The following NPHS1 variants were observed in gnomAD, a reference collection of about 807,000 sequenced individuals.
NPHS1 encodes the protein NPHS1 adhesion molecule, nephrin.
In NPHS1, 107 loss-of-function variants were observed where a neutral mutation model predicts 139.7. The observed-to-expected ratio is 0.77, with a 90% CI of 0.66 to 0.90. NPHS1 has a LOEUF of 0.90. Ranked by LOEUF, NPHS1 falls within the 40% of genes least tolerant of loss-of-function variation. The pLI is 0.00. For missense variants in NPHS1, 1,580 were observed against 1,654.2 expected (o/e 0.96, Z 0.78); for synonymous variants, 707 against 706.6 (o/e 1.00, Z -0.01).
Position 35,826,344 on chromosome 19 carries a change from G to A in NPHS1, c.*170C>T. ...CCAGGATGCACCTTGTTTCTACTCT[G>A]GTACCAGCTGAACCATCTCTGTCAC... On this transcript the variant is annotated 3_prime_UTR_variant, in exon 29 of 29. Coordinates refer to ENST00000378910, the MANE Select transcript of NPHS1 (RefSeq NM_004646.4). The A allele has an allele frequency of 1.4e-6, 1 of 721,370 alleles. No homozygotes were observed. The highest frequency in any genetic ancestry group is 2.4e-6 in the Non-Finnish European group (1 of 422,580). The allele number at this position is 721,370 out of a possible 1,614,324, so 44.7% of individuals were successfully genotyped here.
intron 26 of NPHS1, 24 bp downstream of exon 26, chr19:35,831,272 G>T (rs764808909): frequency 1.2e-6 from 2 of 1,612,432 alleles, no homozygotes; most frequent in Admixed American, 3.3e-5. Flanking sequence ...TGATTGTGGG[G>T]TCACCAGGGC....
At chr19:35,827,884 T>C (rs1002798389) in intron 28 of NPHS1, among the ~76,000 whole-genome samples, 3 of 152,096 alleles carry the variant, frequency 2.0e-5, no homozygotes, top group Non-Finnish European at 4.4e-5. Flanking sequence ...GCTACTGCAC[T>C]CCAGCCTGGG....
rs759433921 is a variant in NPHS1, at chr19:35,850,377, C to G, written c.595G>C (p.Glu199Gln). 1.2e-6 allele frequency: 2 copies of G among 1,614,028 alleles called. No individual in the cohort carries two copies. The highest frequency in any genetic ancestry group is 1.7e-5 in the Admixed American group (1 of 60,014). Residue 199 changes from glutamate to glutamine, a missense_variant, in exon 5 of 29, where the codon GAG becomes CAG. By Grantham distance (29) the Glu-to-Gln change is conservative. Transcript: ENST00000378910. Reference protein sequence around the residue: ...EGSQQKLFTVEATARVTPRSS... With the variant: ...EGSQQKLFTVQATARVTPRSS... ...CAGTTTCCACACCTGGCTGTGGCCT[C>G]CACAGTGAAGAGTTTCTGCTGGGAG...
Position 35,826,649 on chromosome 19 carries a change from A to T in NPHS1, c.3595-4T>A, listed in dbSNP as rs772120895. The T allele has an allele frequency of 6.2e-7, 1 of 1,614,120 alleles. No homozygotes were observed. The highest frequency in any genetic ancestry group is 2.2e-5 in the East Asian group (1 of 44,872). On this transcript the variant is annotated splice_polypyrimidine_tract_variant and splice_region_variant and intron_variant, in intron 28 of 28. Transcript: ENST00000378910. ...GCCAGTGGAGGTCCCAGGGTCCCTG[A>T]CAGGCAAAAAGTGGAGTTAGAACCA...
chr19:35,841,090 G>GTT (rs1028920917), intron 20 of NPHS1, among the ~76,000 whole-genome samples: 15 of 150,784 alleles, frequency 9.9e-5, no homozygotes, highest in Non-Finnish European at 1.8e-4. Context: ...ACATGCAGAC[G>GTT]TAAGAATGAA....
intron 16 of NPHS1, 163 bp downstream of exon 16, chr19:35,843,940 G>A: frequency 1.0e-6 from 1 of 955,332 alleles, no homozygotes; most frequent in Non-Finnish European, 1.5e-6. Context: ...TAGTGGGAGG[G>A]GTTCCGCAGT....
At chr19:35,837,593 C>G (rs771757065) in intron 22 of NPHS1, among the ~76,000 whole-genome samples, 1 of 151,652 alleles carries the variant, frequency 6.6e-6, no homozygotes, top group Non-Finnish European at 1.5e-5. Flanking sequence ...TTCTTTCTCT[C>G]TCTCTCTCTC....
At position 35,852,328 on chromosome 19, in the gene NPHS1, A is replaced by G. The variant is rs1599849796; in HGVS notation, c.-491T>C. Reference sequence around the variant, plus strand: ...TGTCTCTCTCTCTCTCTCTCTCTCAATCTCTATCTTCTCTCCTGCCACCCC... The same window carrying G: ...TGTCTCTCTCTCTCTCTCTCTCTCAGTCTCTATCTTCTCTCCTGCCACCCC... On this transcript the variant is annotated 5_prime_UTR_variant, in exon 1 of 29. Coordinates refer to ENST00000378910, the MANE Select transcript of NPHS1 (RefSeq NM_004646.4). Among the ~76,000 whole-genome samples, 1 of 142,706 alleles carries G rather than the reference A, an allele frequency of 7.0e-6. No homozygotes were observed. The highest frequency in any genetic ancestry group is 2.6e-5 in the African/African-American group (1 of 37,932). The allele number at this position is 142,706 out of a possible 152,430, so 93.6% of individuals were successfully genotyped here. A position where few individuals can be genotyped will look rare whatever the true frequency, so the allele number is the denominator to read the frequency against.
Position 35,850,982 on chromosome 19 carries a change from G to A in NPHS1, c.505C>T (p.Pro169Ser), listed in dbSNP as rs886054353. The stretch of plus-strand genomic sequence containing the variant: ...TCACTCAGGAGAATGGTGATGTCAG[G>A]TGCTGGCTTCGCGTCCCCAGACACA... ...NCVSGDAKPAPDITILLSGQT... is the reference protein window; with the variant it reads ...NCVSGDAKPASDITILLSGQT... Residue 169 changes from proline (P) to serine (S), a missense_variant, in exon 4 of 29, where the codon CCT becomes TCT. Physicochemically the swap from Pro to Ser is moderately conservative, Grantham distance 74. Transcript: ENST00000378910. 4.3e-6 allele frequency: 7 copies of A among 1,614,102 alleles called. No homozygotes were observed. Among genetic ancestry groups the A allele is most frequent in the African/African-American group, 1.3e-5 (1 of 75,024 alleles).
In NPHS1 at chr19:35,848,399, T is replaced by C. The variant is rs1389531977; in HGVS notation, c.1171-2A>G. The stretch of plus-strand genomic sequence containing the variant: ...GGAGATGTGACCGCCATGCAGTCCC[T>C]GGCAGGGAGTGAGCTTCAGACGTGG... On this transcript the variant is annotated splice_acceptor_variant, in intron 9 of 28. Coordinates refer to ENST00000378910, the MANE Select transcript of NPHS1 (RefSeq NM_004646.4). LOFTEE classifies it high-confidence loss of function. The C allele has an allele frequency of 6.2e-7, 1 of 1,614,024 alleles. No homozygotes were observed. The highest frequency in any genetic ancestry group is 8.5e-7 in the Non-Finnish European group (1 of 1,180,028).
chr19:35,845,673 C>T lies in NPHS1; in HGVS notation c.1753G>A (p.Glu585Lys), dbSNP rs1973129242. The change falls in exon 13 of 29, where the codon GAG becomes AAG. Residue 585 changes from glutamate (E) to lysine (K), a missense_variant. Transcript: ENST00000378910. The surrounding 1 kb of genome is among the most constrained non-coding windows in gnomAD (Gnocchi z 5.5). ...PVNLSWDKEGERLEGVAAPPR... is the reference protein window; with the variant it reads ...PVNLSWDKEGKRLEGVAAPPR... Reference sequence around the variant, plus strand: ...AGGGATCCCTCGCACTCCCACCTCTCCCCTTCCTTGTCCCAGGACAAGTTG... The same window carrying T: ...AGGGATCCCTCGCACTCCCACCTCTTCCCTTCCTTGTCCCAGGACAAGTTG... 1 of 1,613,698 alleles carries T rather than the reference C, an allele frequency of 6.2e-7. No individual in the cohort carries two copies. Among genetic ancestry groups the T allele is most frequent in the Non-Finnish European group, 8.5e-7 (1 of 1,179,812 alleles).
At position 35,845,411 on chromosome 19, in the gene NPHS1, C is replaced by T; in HGVS notation, c.1887G>A (p.Glu629=). 6.2e-7 allele frequency: 1 copy of T among 1,614,264 alleles called. No homozygotes were observed. Among genetic ancestry groups the T allele is most frequent in the Non-Finnish European group, 8.5e-7 (1 of 1,180,054 alleles). Residue 629 remains glutamate (E), a synonymous_variant, in exon 14 of 29, where the codon GAG becomes GAA. Transcript: ENST00000378910. This position sits in a 1 kb window ranked among gnomAD's most constrained non-coding sequence, Gnocchi z 5.5. ...AGAAGGAGCTCACGGTTTCGCGGAG[C>T]TCGGCGCTGTGGGCGCGGCAGGTCA... ...QRVTCRAHSA[E]LRETVSSFYR...
Position 35,842,381 on chromosome 19 carries a change from C to A in NPHS1, c.2504G>T (p.Arg835Ile). 6.2e-7 allele frequency: 1 copy of A among 1,613,932 alleles called. No individual in the cohort carries two copies. The highest frequency in any genetic ancestry group is 8.5e-7 in the Non-Finnish European group (1 of 1,180,032). ...TCAGGTGTTTGGGTAATACCCACAT[C>A]TGACAACAAGACGGAGCAGCCGTCG... ...PARRLLRLVV[R>I]FAPQVEHPTP... is the part of the protein sequence containing the mutation. Residue 835 changes from arginine to isoleucine, a missense_variant and splice_region_variant, in exon 18 of 29, where the codon AGA becomes ATA. By Grantham distance (97) the Arg-to-Ile change is moderately conservative. Transcript: ENST00000378910.
Position 35,844,470 on chromosome 19 carries a change from G to T in NPHS1, c.1931-11C>A. On this transcript the variant is annotated splice_polypyrimidine_tract_variant and intron_variant, in intron 14 of 28. Coordinates refer to ENST00000378910, the MANE Select transcript of NPHS1 (RefSeq NM_004646.4). ...GGAACTCTGGACGGTCTTCAGAGGG[G>T]GCGCCGCAGGGAGTCAAGATTGTTG... 1 of 1,558,762 alleles carries T rather than the reference G, an allele frequency of 6.4e-7. No homozygotes were observed. The highest frequency in any genetic ancestry group is 8.7e-7 in the Non-Finnish European group (1 of 1,154,396).
rs767424724 is a variant in NPHS1 at position 35,839,350 on chromosome 19, G to C, written c.2996C>G (p.Thr999Arg). ...TGTAGAAGGCTGTAGACCAGTCAGCGTGAAGGTGGTGGCCTGGGGTGGTAC... is the reference window on the plus strand; with the variant it reads ...TGTAGAAGGCTGTAGACCAGTCAGCCTGAAGGTGGTGGCCTGGGGTGGTAC... Reference protein sequence around the residue: ...DVVPPQATTFTLTGLQPSTRY... With the variant: ...DVVPPQATTFRLTGLQPSTRY... Residue 999 changes from threonine to arginine, a missense_variant, in exon 22 of 29, where the codon ACG becomes AGG. By Grantham distance (71) the Thr-to-Arg change is moderately conservative. Transcript: ENST00000378910. 1 of 1,614,076 alleles carries C rather than the reference G, an allele frequency of 6.2e-7. No individual in the cohort carries two copies. Among genetic ancestry groups the C allele is most frequent in the African/African-American group, 1.3e-5 (1 of 74,930 alleles).
intron 16 of NPHS1, 119 bp downstream of exon 16, chr19:35,843,982 GAA>G: frequency 7.2e-7 from 1 of 1,398,568 alleles, no homozygotes; most frequent in South Asian, 1.3e-5. Context: ...GGGACTTCCA[GAA>G]CGGGAGGGTT....
Position 35,843,522 on chromosome 19 carries a change from T to C in NPHS1, c.2284A>G (p.Thr762Ala). 1.9e-6 allele frequency: 3 copies of C among 1,614,100 alleles called. No individual in the cohort carries two copies. The highest frequency in any genetic ancestry group is 1.7e-6 in the Non-Finnish European group (2 of 1,179,984). Residue 762 changes from threonine to alanine, a missense_variant, in exon 17 of 29, where the codon ACT (threonine) becomes GCT (alanine). Physicochemically the swap from Thr to Ala is moderately conservative, Grantham distance 58. Coordinates refer to ENST00000378910, the MANE Select transcript of NPHS1 (RefSeq NM_004646.4). ...NVGGSVDIVC[T>A]VDANPILPGM... ...GGGAGGATGGGATTGGCATCGACAG[T>C]GCAGACTATGTCCACAGAACCCCCG...
intron 16 of NPHS1, 121 bp from the exon 17 acceptor site, chr19:35,843,714 T>C: frequency 7.9e-7 from 1 of 1,273,440 alleles, no homozygotes. Context: ...GGACACAATC[T>C]GCCCTTAATA....
intron 28 of NPHS1, among the ~76,000 whole-genome samples, chr19:35,828,229 T>C (rs896695373): frequency 3.9e-5 from 6 of 152,182 alleles, no homozygotes; most frequent in African/African-American, 1.4e-4. Context: ...TTTTTTATAC[T>C]GCCCAAGAGC....
Sources: gnomAD v4.1 joint callset for allele counts (sites outside exome capture counted in the v4.1 genomes callset) on GRCh38, gnomAD v4.1.1 for gene constraint, Gnocchi (gnomAD v3.1) non-coding constraint, MANE v1.5 for transcripts, NCBI Gene and HGNC (gene_info 2026-07-23, HGNC 2026-07-21) for gene names.